Variants in SCEL observed in about 807,000 individuals in gnomAD.
SCEL encodes the protein sciellin.
Under a neutral mutation model 117.6 loss-of-function variants are expected in SCEL, and 113 were observed. The ratio of observed to expected loss-of-function variants is 0.96; its 90% confidence interval spans 0.83 to 1.12. The LOEUF (loss-of-function observed/expected upper bound fraction) is 1.12. Ranked by LOEUF, SCEL falls within the 50% of genes most tolerant of loss-of-function variation. The probability of loss-of-function intolerance (pLI) is 0.00; values close to 1 mark genes in which losing one functional copy is unlikely to be tolerated. For synonymous variants in SCEL, 270 were observed against 256.2 expected (o/e 1.05, Z -0.51); for missense variants, 785 against 810.8 (o/e 0.97, Z 0.39).
intron 9 of SCEL, among the ~76,000 whole-genome samples, chr13:77,588,722 C>G (rs2086700027): frequency 6.6e-6 from 1 of 152,100 alleles, no homozygotes; most frequent in Admixed American, 6.6e-5. Flanking sequence ...AAATTAAAGC[C>G]TTTTCTTGCT....
intron 1 of SCEL, among the ~76,000 whole-genome samples, chr13:77,540,211 C>T (rs2083630236): frequency 6.6e-6 from 1 of 152,108 alleles, no homozygotes; most frequent in Admixed American, 6.5e-5. Flanking sequence ...ATTTAGTTAA[C>T]CTCATGTTTG....
intron 29 of SCEL, among the ~76,000 whole-genome samples, chr13:77,636,489 C>T (rs935204214): frequency 4.6e-5 from 7 of 151,998 alleles, no homozygotes; most frequent in African/African-American, 1.7e-4. Context: ...TAATATATGC[C>T]CAGATAGCAT....
At chr13:77,596,803 T>C (rs1475790760) in intron 12 of SCEL, among the ~76,000 whole-genome samples, 2 of 151,980 alleles carry the variant, frequency 1.3e-5, no homozygotes, top group Non-Finnish European at 2.9e-5. Context: ...CCAATAGCAC[T>C]GTGGTGAAAC....
intron 27 of SCEL, 23 bp from the exon 28 acceptor site, chr13:77,627,924 T>C (rs1383092139): frequency 9.3e-6 from 9 of 966,726 alleles, no homozygotes; most frequent in African/African-American, 3.3e-5. Context: ...TAATTATTCA[T>C]ATATATATAT....
intron 3 of SCEL, among the ~76,000 whole-genome samples, chr13:77,559,563 G>A (rs577943148): frequency 1.0e-3 from 153 of 151,184 alleles, no homozygotes; most frequent in Non-Finnish European, 2.9e-4. Context: ...ATTCATTGTT[G>A]AATCATGTGG....
chr13:77,592,267 A>G (rs2086916354), intron 11 of SCEL, among the ~76,000 whole-genome samples: 1 of 152,124 alleles, frequency 6.6e-6, no homozygotes, highest in Non-Finnish European at 1.5e-5. Context: ...CCTTGTTCTG[A>G]GGAGCTTACA....
chr13:77,551,266 C>T (rs183199914), intron 1 of SCEL, among the ~76,000 whole-genome samples: 73 of 152,230 alleles, frequency 4.8e-4, no homozygotes, highest in African/African-American at 1.6e-3. Context: ...CTGTTCAGGG[C>T]GGGGGCTCAA....
intron 9 of SCEL, among the ~76,000 whole-genome samples, chr13:77,576,073 A>G (rs752118116): frequency 2.2e-4 from 33 of 152,118 alleles, no homozygotes; most frequent in Non-Finnish European, 4.4e-4. Context: ...TAATCTTACA[A>G]ACCTACTCAG....
intron 9 of SCEL, among the ~76,000 whole-genome samples, chr13:77,583,207 C>A (rs2086364830): frequency 6.6e-6 from 1 of 152,188 alleles, no homozygotes; most frequent in Admixed American, 6.5e-5. Context: ...TTCCACAGAT[C>A]TGAGCCAATC....
rs561922509 is a variant in SCEL at position 77,601,616 on chromosome 13, A to C, written c.918-449A>C. The stretch of plus-strand genomic sequence containing the variant: ...ACCAAGGTGACTTCAGACCCTTTAA[A>C]CACATCTGCTAACTTTTTAAGAGAA... On this transcript the variant is annotated intron_variant, in intron 15 of 32. Coordinates refer to ENST00000349847, the MANE Select transcript of SCEL (RefSeq NM_144777.3). Among the ~76,000 whole-genome samples, 71 of 152,342 alleles carry C rather than the reference A, an allele frequency of 4.7e-4. 1 individual carries two copies. Among genetic ancestry groups the C allele is most frequent in the African/African-American group, 1.6e-3 (68 of 41,576 alleles).
chr13:77,564,689 G>C (rs1462872141), intron 5 of SCEL, among the ~76,000 whole-genome samples: 1 of 152,178 alleles, frequency 6.6e-6, no homozygotes, highest in South Asian at 2.1e-4. Flanking sequence ...AGCTAAAGAT[G>C]TGCTGCAATT....
chr13:77,563,960 A>G, intron 5 of SCEL, 61 bp downstream of exon 5: 1 of 1,158,896 alleles, frequency 8.6e-7, no homozygotes. Flanking sequence ...TTTTCTAATA[A>G]AGTTATGAAG....
intron 1 of SCEL, among the ~76,000 whole-genome samples, chr13:77,548,474 A>G (rs2084116979): frequency 6.6e-6 from 1 of 152,210 alleles, no homozygotes. Flanking sequence ...CATAAAGGGA[A>G]GCTAAGGATA....
At chr13:77,600,055 G>A (rs1385754673) in intron 15 of SCEL, 1 of 331,476 alleles carries the variant, frequency 3.0e-6, no homozygotes, top group Non-Finnish European at 5.6e-6. Context: ...GCTGTTACAA[G>A]TAGTGGAGAA....
chr13:77,543,351 G>A (rs2083825928), intron 1 of SCEL, among the ~76,000 whole-genome samples: 1 of 152,068 alleles, frequency 6.6e-6, no homozygotes, highest in Non-Finnish European at 1.5e-5. Flanking sequence ...CCAAAGTGCT[G>A]GGACTACAGG....
chr13:77,560,776 A>G (rs1442098881), intron 4 of SCEL, among the ~76,000 whole-genome samples: 3 of 152,224 alleles, frequency 2.0e-5, no homozygotes, highest in Non-Finnish European at 4.4e-5. Flanking sequence ...CTAATTATTT[A>G]TCAGACACAA....
At chr13:77,547,561 A>G (rs7984588) in intron 1 of SCEL, among the ~76,000 whole-genome samples, 47,907 of 151,962 alleles carry the variant, frequency 0.32, 7,552 homozygotes, top group African/African-American at 0.33. Flanking sequence ...CCCATCTGGA[A>G]GTTTGCACCC....
At chr13:77,551,653 T>C (rs1481015590) in intron 1 of SCEL, among the ~76,000 whole-genome samples, 1 of 152,138 alleles carries the variant, frequency 6.6e-6, no homozygotes, top group African/African-American at 2.4e-5. Context: ...GTTGAATTAG[T>C]ACCCACCCTA....
chr13:77,632,259 G>A (rs78417810), intron 28 of SCEL, among the ~76,000 whole-genome samples: 2,689 of 152,270 alleles, frequency 0.018, 109 homozygotes, highest in Admixed American at 0.091. Context: ...TTTGCAAACT[G>A]GTGATTTTTG....
Sources: gnomAD v4.1 joint callset for allele counts (sites outside exome capture counted in the v4.1 genomes callset) on GRCh38, gnomAD v4.1.1 for gene constraint, MANE v1.5 for transcripts, NCBI Gene and HGNC (gene_info 2026-07-23, HGNC 2026-07-21) for gene names.